Variants in MGAT4C observed in about 807,000 individuals in gnomAD.
The protein encoded by MGAT4C is MGAT4 family member C.
MGAT4C carries 19 observed loss-of-function variants against 40.1 expected under a neutral mutation model. That is an observed-to-expected ratio of 0.47 (90% CI 0.33 to 0.70). The LOEUF is 0.70. MGAT4C is among the 30% of genes least tolerant of loss of function. The probability of loss-of-function intolerance (pLI) is 0.02; values close to 1 mark genes in which losing one functional copy is unlikely to be tolerated. For missense variants in MGAT4C, 491 were observed against 563.2 expected (o/e 0.87, Z 1.30); for synonymous variants, 181 against 187.1 (o/e 0.97, Z 0.27).
chr12:86,027,540 T>C (rs1890350011), intron 2 of MGAT4C, among the ~76,000 whole-genome samples: 1 of 151,920 alleles, frequency 6.6e-6, no homozygotes, highest in African/African-American at 2.4e-5. Flanking sequence ...GAAATTCATA[T>C]GATGAAAAAC....
At chr12:86,299,161 G>T (rs909218891) in intron 4 of MGAT4C, among the ~76,000 whole-genome samples, 3 of 152,062 alleles carry the variant, frequency 2.0e-5, no homozygotes, top group Non-Finnish European at 4.4e-5. Context: ...TGTCGCCCAG[G>T]CTGGAGTGCA....
chr12:86,588,872 A>G (rs1482499302), intron 2 of MGAT4C, among the ~76,000 whole-genome samples: 1 of 151,910 alleles, frequency 6.6e-6, no homozygotes. Flanking sequence ...AAGACACAAC[A>G]TACCAGAATC....
intron 1 of MGAT4C, among the ~76,000 whole-genome samples, chr12:86,076,377 C>T (rs1374781574): frequency 6.6e-6 from 1 of 152,198 alleles, no homozygotes; most frequent in African/African-American, 2.4e-5. Context: ...TCCACATTTT[C>T]CTTTTTTCTT....
intron 2 of MGAT4C, among the ~76,000 whole-genome samples, chr12:86,710,180 T>C (rs1950532074): frequency 6.6e-6 from 1 of 152,214 alleles, no homozygotes; most frequent in South Asian, 2.1e-4. Flanking sequence ...GAAAGCAAGA[T>C]GTCTGTTTTC....
intron 3 of MGAT4C, among the ~76,000 whole-genome samples, chr12:86,357,659 G>A (rs915209407): frequency 1.3e-5 from 2 of 152,130 alleles, no homozygotes; most frequent in African/African-American, 4.8e-5. Flanking sequence ...TGAAAACCAT[G>A]GCACAAGAAC....
At chr12:86,156,058 A>G (rs1311601674) in intron 1 of MGAT4C, among the ~76,000 whole-genome samples, 6 of 152,018 alleles carry the variant, frequency 3.9e-5, no homozygotes, top group Admixed American at 1.3e-4. Flanking sequence ...ATTAAATTGC[A>G]TATTATATTA....
chr12:86,577,341 T>C (rs1421007789), intron 2 of MGAT4C, among the ~76,000 whole-genome samples: 1 of 151,906 alleles, frequency 6.6e-6, no homozygotes, highest in Non-Finnish European at 1.5e-5. Context: ...TCCAGTACTA[T>C]GTTGAATAAC....
chr12:86,554,552 C>T (rs895283290), intron 2 of MGAT4C, among the ~76,000 whole-genome samples: 79 of 152,250 alleles, frequency 5.2e-4, no homozygotes, highest in African/African-American at 1.7e-3. Context: ...TGGATACTTC[C>T]AGGACTTCCA....
intron 2 of MGAT4C, among the ~76,000 whole-genome samples, chr12:86,469,970 TTATGGTCATCCATGTTGTTGC>T (rs1485073834): frequency 2.0e-5 from 3 of 152,124 alleles, no homozygotes; most frequent in African/African-American, 4.8e-5. Context: ...ATAATATCCT[TTATGGTCATCCATGTTGTTGC>T]AAAAGGTAGG....
chr12:86,203,014 C>CTGTGTGTGTG lies in MGAT4C; in HGVS notation c.-57+53215_-57+53224dup, dbSNP rs10587166. On this transcript the variant is annotated intron_variant, in intron 1 of 4. Coordinates refer to ENST00000611864, the MANE Select transcript of MGAT4C (RefSeq NM_001351288.2). The stretch of plus-strand genomic sequence containing the variant: ...GCTGCTAAGTATATGTCACATTTTC[C>CTGTGTGTGTG]TGTGTGTGTGTGTGTGTGTGTGTGT... Among the ~76,000 whole-genome samples, 162 of 147,488 alleles carry CTGTGTGTGTG rather than the reference C, an allele frequency of 1.1e-3. 1 individual carries two copies. Among genetic ancestry groups the CTGTGTGTGTG allele is most frequent in the Middle Eastern group, 0.01 (3 of 288 alleles).
At chr12:86,451,209 G>A (rs537461603) in intron 2 of MGAT4C, among the ~76,000 whole-genome samples, 2 of 152,058 alleles carry the variant, frequency 1.3e-5, no homozygotes, top group South Asian at 2.1e-4. Context: ...AGATCTGGTT[G>A]TATAAAAGTG....
At chr12:86,820,972 T>G (rs866480390) in intron 1 of MGAT4C, among the ~76,000 whole-genome samples, 1 of 150,958 alleles carries the variant, frequency 6.6e-6, no homozygotes, top group South Asian at 2.1e-4. Context: ...TCAATCATGT[T>G]GGAGTGTATT....
intron 4 of MGAT4C, among the ~76,000 whole-genome samples, chr12:86,325,705 C>G (rs577016173): frequency 6.6e-6 from 1 of 152,012 alleles, no homozygotes; most frequent in African/African-American, 2.4e-5. Context: ...TGTCAAAGCC[C>G]TATCTCTACA....
chr12:86,656,309 A>G (rs1246121441), intron 2 of MGAT4C, among the ~76,000 whole-genome samples: 4 of 152,156 alleles, frequency 2.6e-5, no homozygotes, highest in Admixed American at 1.3e-4. Context: ...AAATGAGTAT[A>G]TTTAACAATA....
At chr12:86,728,924 T>G (rs182772451) in intron 1 of MGAT4C, among the ~76,000 whole-genome samples, 1 of 152,298 alleles carries the variant, frequency 6.6e-6, no homozygotes, top group African/African-American at 2.4e-5. Context: ...ACCTACTTAT[T>G]TAATGATCAT....
intron 1 of MGAT4C, among the ~76,000 whole-genome samples, chr12:86,200,038 T>C (rs1949980487): frequency 6.6e-6 from 1 of 151,592 alleles, no homozygotes; most frequent in South Asian, 2.1e-4. Context: ...TCTTCTCTAC[T>C]CAAGCCCTCT....
At chr12:86,731,232 T>A (rs1402631982) in intron 1 of MGAT4C, among the ~76,000 whole-genome samples, 1 of 152,064 alleles carries the variant, frequency 6.6e-6, no homozygotes, top group Admixed American at 6.6e-5. Flanking sequence ...ATATATCTGG[T>A]TTTTAGTAGT....
chr12:86,571,966 C>A (rs1427860128), intron 2 of MGAT4C, among the ~76,000 whole-genome samples: 1 of 152,070 alleles, frequency 6.6e-6, no homozygotes, highest in Non-Finnish European at 1.5e-5. Context: ...ATTTCTTTTA[C>A]TTTTATCAAT....
At chr12:86,824,390 C>T (rs1478963556) in intron 1 of MGAT4C, among the ~76,000 whole-genome samples, 2 of 151,328 alleles carry the variant, frequency 1.3e-5, no homozygotes, top group East Asian at 3.9e-4. Flanking sequence ...AATGAATCTT[C>T]TATTTGGAGA....
Sources: gnomAD v4.1 joint callset for allele counts (sites outside exome capture counted in the v4.1 genomes callset) on GRCh38, gnomAD v4.1.1 for gene constraint, MANE v1.5 for transcripts, NCBI Gene and HGNC (gene_info 2026-07-23, HGNC 2026-07-21) for gene names.